The following SPOCK1 variants were observed in gnomAD, a reference collection of about 807,000 sequenced individuals.
SPOCK1 encodes SPARC (osteonectin), cwcv and kazal like domains proteoglycan 1.
A neutral mutation model predicts 55.3 loss-of-function variants in SPOCK1; 23 were observed. The ratio of observed to expected loss-of-function variants is 0.42; its 90% CI spans 0.30 to 0.59. The LOEUF (loss-of-function observed/expected upper bound fraction) is 0.59, where lower values mean the gene tolerates loss of function less well. Among genes scored for constraint, SPOCK1 ranks in the 20% least tolerant of loss-of-function variants. SPOCK1 has a pLI of 0.22. For missense variants in SPOCK1, 499 were observed against 552.5 expected (o/e 0.90, Z 0.97); for synonymous variants, 226 against 221.0 (o/e 1.02, Z -0.20).
chr5:137,269,167 G>A (rs1336900343), intron 2 of SPOCK1, among the ~76,000 whole-genome samples: 1 of 152,184 alleles, frequency 6.6e-6, no homozygotes, highest in Non-Finnish European at 1.5e-5. Flanking sequence ...AATATTTAAA[G>A]CTCATTGCAA....
rs1455540276 is a variant in SPOCK1 at position 137,165,301 on chromosome 5, CT to C, written c.233-24608del. 3.3e-5 allele frequency among the ~76,000 whole-genome samples: 5 copies of C among 151,692 alleles called. 1 individual carries two copies. The highest frequency in any genetic ancestry group is 7.3e-5 in the African/African-American group (3 of 41,166). On this transcript the variant is annotated intron_variant, in intron 3 of 10. Coordinates refer to ENST00000394945, the MANE Select transcript of SPOCK1 (RefSeq NM_004598.4). ...CCTGCTAATCCAGAGAATTCTGGGT[CT>C]TGTCCAAGACCATCAAGGTGGTACT...
At chr5:137,271,893 C>A (rs1268738189) in intron 2 of SPOCK1, among the ~76,000 whole-genome samples, 1 of 152,164 alleles carries the variant, frequency 6.6e-6, no homozygotes, top group Admixed American at 6.5e-5. Context: ...GCTGTTTGAA[C>A]CCTGCCGTTT....
At chr5:137,088,182 C>T (rs1466945099) in intron 5 of SPOCK1, among the ~76,000 whole-genome samples, 2 of 152,210 alleles carry the variant, frequency 1.3e-5, no homozygotes, top group Admixed American at 6.5e-5. Flanking sequence ...GCCTCAAGGA[C>T]TAATCTGGGT....
intron 2 of SPOCK1, among the ~76,000 whole-genome samples, chr5:137,338,769 G>C (rs893672193): frequency 2.0e-5 from 3 of 152,132 alleles, no homozygotes; most frequent in Non-Finnish European, 2.9e-5. Flanking sequence ...CTGATGGCCA[G>C]TGATGATGAG....
chr5:137,010,844 A>C (rs1036919085), intron 6 of SPOCK1, among the ~76,000 whole-genome samples: 2 of 152,144 alleles, frequency 1.3e-5, no homozygotes, highest in African/African-American at 4.8e-5. Context: ...TCCCACCCTG[A>C]TAACACCTCA....
At chr5:137,257,858 G>C (rs1049848245) in intron 3 of SPOCK1, among the ~76,000 whole-genome samples, 1 of 152,156 alleles carries the variant, frequency 6.6e-6, no homozygotes, top group Admixed American at 6.5e-5. Context: ...CATCCTTTGA[G>C]TGATTTTATT....
chr5:137,211,031 G>T (rs957538545), intron 3 of SPOCK1, among the ~76,000 whole-genome samples: 1 of 152,150 alleles, frequency 6.6e-6, no homozygotes, highest in African/African-American at 2.4e-5. Flanking sequence ...GACAAGCTGG[G>T]GTCATAACTC....
chr5:137,476,796 G>T (rs1009926338), intron 2 of SPOCK1, among the ~76,000 whole-genome samples: 1 of 152,128 alleles, frequency 6.6e-6, no homozygotes, highest in Non-Finnish European at 1.5e-5. Context: ...ATGGAGGCAG[G>T]TGTCTGTAAT....
intron 2 of SPOCK1, among the ~76,000 whole-genome samples, chr5:137,367,052 T>C: frequency 6.6e-6 from 1 of 152,242 alleles, no homozygotes. Flanking sequence ...TTTTGTTTTG[T>C]CAATTCACAT....
chr5:136,982,741 C>T (rs150595780), intron 9 of SPOCK1, among the ~76,000 whole-genome samples: 4 of 151,926 alleles, frequency 2.6e-5, no homozygotes, highest in African/African-American at 7.2e-5. Flanking sequence ...ATTGTCATTT[C>T]TTTTTCATTA....
intron 2 of SPOCK1, among the ~76,000 whole-genome samples, chr5:137,405,504 C>T (rs2127186225): frequency 6.6e-6 from 1 of 152,236 alleles, no homozygotes; most frequent in Middle Eastern, 3.4e-3. Context: ...GGCTGAATGC[C>T]AGGCACCAAC....
rs1217431888 is a variant in SPOCK1 at position 137,403,783 on chromosome 5, G to A, written c.186+94590C>T. On this transcript the variant is annotated intron_variant, in intron 2 of 10. Transcript: ENST00000394945. ...AACAGAGCGAGTGAGGCAGAGAGGA[G>A]GAGGAGGAGATCAGCTTGGAGGGGT... Among the ~76,000 whole-genome samples, 4 of 152,056 alleles carry A rather than the reference G, an allele frequency of 2.6e-5. No individual in the cohort carries two copies. In the East Asian group the frequency reaches 7.8e-4, roughly 29 times the overall value.
chr5:137,076,607 TA>T (rs35285273), intron 5 of SPOCK1, among the ~76,000 whole-genome samples: 34,136 of 112,596 alleles, frequency 0.3, 4,075 homozygotes, highest in East Asian at 0.44. Context: ...GGACTGAAAG[TA>T]AAAAAAAAAA....
chr5:137,385,433 T>C lies in SPOCK1; in HGVS notation c.186+112940A>G, dbSNP rs77030677. Among the ~76,000 whole-genome samples, 6 of 152,336 alleles carry C rather than the reference T, an allele frequency of 3.9e-5. No individual in the cohort carries two copies. In the East Asian group the frequency reaches 1.2e-3, roughly 29 times the overall value. On this transcript the variant is annotated intron_variant, in intron 2 of 10. Transcript: ENST00000394945. ...TAAAACAGGAATATGACCAGCTTTG[T>C]AGGAATGTTAAACACACTTCAGACT...
At chr5:137,479,826 T>C (rs574994405) in intron 2 of SPOCK1, among the ~76,000 whole-genome samples, 57 of 152,256 alleles carry the variant, frequency 3.7e-4, no homozygotes, top group Middle Eastern at 3.4e-3. Context: ...ATTTAACCCG[T>C]CCTAACTGAT....
chr5:137,339,856 G>A (rs1321354808), intron 2 of SPOCK1, among the ~76,000 whole-genome samples: 2 of 152,218 alleles, frequency 1.3e-5, no homozygotes, highest in East Asian at 3.9e-4. Context: ...AAAGCAAATT[G>A]GAAGCCCCTG....
chr5:137,264,926 TA>T (rs1454080991), intron 3 of SPOCK1, among the ~76,000 whole-genome samples: 1 of 152,154 alleles, frequency 6.6e-6, no homozygotes, highest in Non-Finnish European at 1.5e-5. Flanking sequence ...ACCCCTGAGG[TA>T]CAAAGTGGGG....
intron 4 of SPOCK1, among the ~76,000 whole-genome samples, chr5:137,135,210 C>T (rs1195290170): frequency 6.6e-6 from 1 of 152,182 alleles, no homozygotes; most frequent in African/African-American, 2.4e-5. Flanking sequence ...GTCTGGAAGG[C>T]TTAAAACAAA....
intron 2 of SPOCK1, among the ~76,000 whole-genome samples, chr5:137,287,242 G>A (rs1034710061): frequency 1.3e-5 from 2 of 152,156 alleles, no homozygotes; most frequent in African/African-American, 4.8e-5. Flanking sequence ...AAGACAGCCG[G>A]GGTCCAGTCC....
Sources: gnomAD v4.1 joint callset for allele counts (sites outside exome capture counted in the v4.1 genomes callset) on GRCh38, gnomAD v4.1.1 for gene constraint, MANE v1.5 for transcripts, NCBI Gene and HGNC (gene_info 2026-07-23, HGNC 2026-07-21) for gene names.